PLXNB1: variants seen among roughly 807,000 people sequenced by gnomAD.
PLXNB1 encodes plexin-B1.
Under a neutral mutation model 209.4 loss-of-function variants are expected in PLXNB1, and 106 were observed. The observed-to-expected ratio is 0.51, with a 90% CI of 0.43 to 0.59. The LOEUF is 0.59. Ranked by LOEUF, PLXNB1 falls within the 20% of genes least tolerant of loss-of-function variation. The probability of loss-of-function intolerance (pLI) is 0.00; values close to 1 mark genes in which losing one functional copy is unlikely to be tolerated. For synonymous variants in PLXNB1, 1,167 were observed against 1,183.2 expected (o/e 0.99, Z 0.28); for missense variants, 2,357 against 2,853.2 (o/e 0.83, Z 3.96).
Position 48,423,828 on chromosome 3 carries a change from C to T in PLXNB1, c.784G>A (p.Val262Met), listed in dbSNP as rs1250892170. ...CCTTCGCAGGCCAGAGGCAACTCCACATAGGAGTAGTAGTGCTGGTCCCGG... is the reference window on the plus strand; with the variant it reads ...CCTTCGCAGGCCAGAGGCAACTCCATATAGGAGTAGTAGTGCTGGTCCCGG... ...CLRDQHYYSY[V>M]ELPLACEGGR... The change falls in exon 3 of 38, where the codon GTG becomes ATG. Residue 262 changes from valine (V) to methionine (M), a missense_variant. Transcript: ENST00000296440. 3.1e-6 allele frequency: 5 copies of T among 1,613,880 alleles called. No individual in the cohort carries two copies. The highest frequency in any genetic ancestry group is 1.7e-5 in the Admixed American group (1 of 60,004).
In PLXNB1 at chr3:48,418,023, C is replaced by G. The variant is rs1253370140; in HGVS notation, c.3262G>C (p.Val1088Leu). 15 of 1,613,406 alleles carry G rather than the reference C, an allele frequency of 9.3e-6. No homozygotes were observed. The highest frequency in any genetic ancestry group is 1.3e-5 in the Non-Finnish European group (15 of 1,180,012). ...LTGPVDGGTR[V>L]TIRGSNLGQH... is the part of the protein sequence containing the mutation. ...CCCAGGTTGGAGCCCCTGATGGTGA[C>G]ACGGGTGCCTCCGTCTACAGGCCCA... Residue 1088 changes from valine to leucine, a missense_variant, in exon 16 of 38, where the codon GTC becomes CTC. Coordinates refer to ENST00000296440, the MANE Select transcript of PLXNB1 (RefSeq NM_001130082.3). This position sits in a 1 kb window ranked among gnomAD's most constrained non-coding sequence, Gnocchi z 6.6.
chr3:48,411,958 C>T lies in PLXNB1; in HGVS notation c.5152G>A (p.Val1718Met). ...YMLFRGIKHQVDKGPVDSVTG... is the reference protein window; with the variant it reads ...YMLFRGIKHQMDKGPVDSVTG... The stretch of plus-strand genomic sequence containing the variant: ...ACACTGTCCACTGGCCCCTTATCCA[C>T]TTGGTGCTTAATCCCTCGAAAGAGC... Residue 1718 changes from valine (V) to methionine (M), a missense_variant, in exon 28 of 38, where the codon GTG (valine) becomes ATG (methionine). Transcript: ENST00000296440. The surrounding 1 kb of genome is among the most constrained non-coding windows in gnomAD (Gnocchi z 4.0). 1 of 1,614,172 alleles carries T rather than the reference C, an allele frequency of 6.2e-7. No individual in the cohort carries two copies. The highest frequency in any genetic ancestry group is 1.7e-5 in the Admixed American group (1 of 60,018).
In PLXNB1 at chr3:48,424,391, A is replaced by C; in HGVS notation, c.221T>G (p.Leu74Arg). Reference sequence around the variant, plus strand: ...AGGTGGCAGGCAGTCCCTGCTGTCTAGCACAGGGCCGGTGGACACTGTGGC... The same window carrying C: ...AGGTGGCAGGCAGTCCCTGCTGTCTCGCACAGGGCCGGTGGACACTGTGGC... Reference protein sequence around the residue: ...LEATVSTGPVLDSRDCLPPVM... With the variant: ...LEATVSTGPVRDSRDCLPPVM... Residue 74 changes from leucine (L) to arginine (R), a missense_variant, in exon 3 of 38, where the codon CTA becomes CGA. Physicochemically the swap from Leu to Arg is moderately radical, Grantham distance 102. Around this residue, in one of 7 missense-constraint regions of PLXNB1, gnomAD observed 107 missense variants for 167.2 expected, o/e 0.64. Transcript: ENST00000296440. 6.4e-7 allele frequency: 1 copy of C among 1,558,924 alleles called. No homozygotes were observed. The highest frequency in any genetic ancestry group is 8.7e-7 in the Non-Finnish European group (1 of 1,151,038).
rs755168281 is a variant in PLXNB1, at chr3:48,422,937, T to C, written c.1118A>G (p.Asp373Gly). ...GTGGTCTGAGCCACAGGGATAAGCA[T>C]CCAGGGTGTCCTATAGGCAGCAAGA... ...DCAQLPVDTL[D>G]AYPCGSDHTP... is the part of the protein sequence containing the mutation. The change falls in exon 4 of 38, where the codon GAT (aspartate) becomes GGT (glycine). Residue 373 changes from aspartate to glycine, a missense_variant. Physicochemically the swap from Asp to Gly is moderately conservative, Grantham distance 94. Around this residue, in one of 7 missense-constraint regions of PLXNB1, gnomAD observed 404 missense variants for 443.6 expected, o/e 0.91. Transcript: ENST00000296440. The C allele has an allele frequency of 3.1e-6, 5 of 1,613,416 alleles. No individual in the cohort carries two copies. Among genetic ancestry groups the C allele is most frequent in the Non-Finnish European group, 3.4e-6 (4 of 1,179,744 alleles).
In PLXNB1 at chr3:48,409,805, C is replaced by CG. The variant is rs2037546622; in HGVS notation, c.5779-75dup. 1 of 1,579,926 alleles carries CG rather than the reference C, an allele frequency of 6.3e-7. No homozygotes were observed. Among genetic ancestry groups the CG allele is most frequent in the South Asian group, 1.2e-5 (1 of 86,792 alleles). ...CAGCAGCCCAGCCTCAGACACCCCC[C>CG]GGCACTGTGCCTGCACGAGCCCCAC... is the stretch of plus-strand genomic sequence containing the variant. On this transcript the variant is annotated intron_variant, in intron 32 of 37. Coordinates refer to ENST00000296440, the MANE Select transcript of PLXNB1 (RefSeq NM_001130082.3). This position sits in a 1 kb window ranked among gnomAD's most constrained non-coding sequence, Gnocchi z 5.8.
Position 48,423,863 on chromosome 3 carries a change from C to T in PLXNB1, c.749G>A (p.Arg250Gln), listed in dbSNP as rs769867127. Residue 250 changes from arginine (R) to glutamine (Q), a missense_variant, in exon 3 of 38, where the codon CGA becomes CAA. This residue lies in a region of PLXNB1 where 404 missense variants were observed against 443.6 expected (regional missense o/e 0.91). Transcript: ENST00000296440. ...GTAGTGCTGGTCCCGGAGACACACT[C>T]GAGATACATAGGCACGAAAAGCTCT... ...QSRAFRAYVSRVCLRDQHYYS... is the reference protein window; with the variant it reads ...QSRAFRAYVSQVCLRDQHYYS... The T allele has an allele frequency of 5.0e-6, 8 of 1,614,038 alleles. No individual in the cohort carries two copies. Among genetic ancestry groups the T allele is most frequent in the Non-Finnish European group, 6.8e-6 (8 of 1,180,024 alleles).
At position 48,404,445 on chromosome 3, in the gene PLXNB1, A is replaced by G; in HGVS notation, c.*41T>C. ...CTCCTCCGAGCTTCCAGGGCTGCCCAGGCCAGGCTGAAGCAACAGCAGGCC... is the reference window on the plus strand; with the variant it reads ...CTCCTCCGAGCTTCCAGGGCTGCCCGGGCCAGGCTGAAGCAACAGCAGGCC... On this transcript the variant is annotated 3_prime_UTR_variant, in exon 38 of 38. Transcript: ENST00000296440. 3 of 1,401,460 alleles carry G rather than the reference A, an allele frequency of 2.1e-6. No homozygotes were observed. The highest frequency in any genetic ancestry group is 2.0e-6 in the Non-Finnish European group (2 of 994,116). 86.8% of individuals were successfully genotyped at this position (1,401,460 alleles called of 1,614,324 possible).
In PLXNB1 at chr3:48,405,857, G is replaced by A. The variant is rs2037289641; in HGVS notation, c.6229-59C>T. ...CGAGGGGTGCAGAGAGCCACAGGAG[G>A]CAGCCCAGGACCCCAGGGAAGGGCT... is the stretch of plus-strand genomic sequence containing the variant. On this transcript the variant is annotated intron_variant, in intron 36 of 37. Coordinates refer to ENST00000296440, the MANE Select transcript of PLXNB1 (RefSeq NM_001130082.3). This position sits in a 1 kb window ranked among gnomAD's most constrained non-coding sequence, Gnocchi z 5.0. 5 of 1,409,314 alleles carry A rather than the reference G, an allele frequency of 3.5e-6. No homozygotes were observed. The highest frequency in any genetic ancestry group is 1.7e-5 in the Admixed American group (1 of 58,586). 87.3% of individuals were successfully genotyped at this position (1,409,314 alleles called of 1,614,324 possible). A position where few individuals can be genotyped will look rare whatever the true frequency, so the allele number is the denominator to read the frequency against.
rs1377414344 is a variant in PLXNB1, at chr3:48,414,195, C to T, written c.4210-124G>A. 3.5e-6 allele frequency: 3 copies of T among 856,772 alleles called. No homozygotes were observed. The African/African-American group carries it at 5.0e-5, about 14-fold the overall frequency. 53.1% of individuals were successfully genotyped at this position (856,772 alleles called of 1,614,324 possible). A position where few individuals can be genotyped will look rare whatever the true frequency, so the allele number is the denominator to read the frequency against. ...AAGCTGACAGCCTCTCAGCACCCTT[C>T]CCGAGTGCAGGCCAGTCACACGGTG... On this transcript the variant is annotated intron_variant, in intron 21 of 37. Transcript: ENST00000296440.
chr3:48,418,645 G>T lies in PLXNB1; in HGVS notation c.2956-103C>A. 1 of 1,064,448 alleles carries T rather than the reference G, an allele frequency of 9.4e-7. No individual in the cohort carries two copies. Among genetic ancestry groups the T allele is most frequent in the Non-Finnish European group, 1.4e-6 (1 of 714,508 alleles). The allele number at this position is 1,064,448 out of a possible 1,614,324, so 65.9% of individuals were successfully genotyped here. A position where few individuals can be genotyped will look rare whatever the true frequency, so the allele number is the denominator to read the frequency against. On this transcript the variant is annotated intron_variant, in intron 13 of 37. Transcript: ENST00000296440. This position sits in a 1 kb window ranked among gnomAD's most constrained non-coding sequence, Gnocchi z 6.6. ...ACTAAAACGACCAGTTAGGAGCATA[G>T]GGTCAGAGGGACCCCATGGGGCCAC...
intron 1 of PLXNB1, among the ~76,000 whole-genome samples, chr3:48,427,143 A>G (rs1216642104): frequency 6.6e-6 from 1 of 152,166 alleles, no homozygotes; most frequent in African/African-American, 2.4e-5. Context: ...TCAAAACTGC[A>G]TTGATGCATG....
Position 48,404,646 on chromosome 3 carries a change from C to A in PLXNB1, c.6304-56G>T, listed in dbSNP as rs145812739. 8.6e-4 allele frequency: 994 copies of A among 1,159,934 alleles called. 10 individuals carry two copies. The African/African-American group carries it at 0.014, about 16-fold the overall frequency. The allele number at this position is 1,159,934 out of a possible 1,614,324, so 71.9% of individuals were successfully genotyped here. A position where few individuals can be genotyped will look rare whatever the true frequency, so the allele number is the denominator to read the frequency against. ...ACTTCTTTGGCCAACGTGTTTGCTG[C>A]AAAATTCAACAGCCCTCCTAAGACG... On this transcript the variant is annotated intron_variant, in intron 37 of 37. Coordinates refer to ENST00000296440, the MANE Select transcript of PLXNB1 (RefSeq NM_001130082.3).
chr3:48,423,103 C>T (rs1035006409), intron 3 of PLXNB1, among the ~76,000 whole-genome samples, 156 bp from the exon 4 acceptor site: 2 of 152,156 alleles, frequency 1.3e-5, no homozygotes, highest in South Asian at 2.1e-4. Context: ...ATCTCATCCC[C>T]GCCCCCAGTC....
In PLXNB1 at chr3:48,405,837, G is replaced by A; in HGVS notation, c.6229-39C>T. The A allele has an allele frequency of 6.4e-7, 1 of 1,560,710 alleles. No homozygotes were observed. On this transcript the variant is annotated intron_variant, in intron 36 of 37. Coordinates refer to ENST00000296440, the MANE Select transcript of PLXNB1 (RefSeq NM_001130082.3). The surrounding 1 kb of genome is among the most constrained non-coding windows in gnomAD (Gnocchi z 5.0). Reference sequence around the variant, plus strand: ...CAAATGAAAGGTGAGAGAGACGAGGGGTGCAGAGAGCCACAGGAGGCAGCC... The same window carrying A: ...CAAATGAAAGGTGAGAGAGACGAGGAGTGCAGAGAGCCACAGGAGGCAGCC...
Position 48,419,182 on chromosome 3 carries a change from T to C in PLXNB1, c.2832+62A>G. 1 of 1,548,472 alleles carries C rather than the reference T, an allele frequency of 6.5e-7. No individual in the cohort carries two copies. The highest frequency in any genetic ancestry group is 8.7e-7 in the Non-Finnish European group (1 of 1,142,860). ...TGCCCTCCTCCTGCTCCCCAGGGCT[T>C]GTGCAGAGTTTCTCAACAGCTAAGG... is the stretch of plus-strand genomic sequence containing the variant. On this transcript the variant is annotated intron_variant, in intron 12 of 37. Transcript: ENST00000296440. The surrounding 1 kb of genome is among the most constrained non-coding windows in gnomAD (Gnocchi z 5.7).
At position 48,412,591 on chromosome 3, in the gene PLXNB1, G is replaced by T. The variant is rs376523804; in HGVS notation, c.4884C>A (p.Thr1628=). The change falls in exon 26 of 38, where the codon ACC becomes ACA. Residue 1628 remains threonine, a synonymous_variant. Transcript: ENST00000296440. ...CGTAGGCACGGTCCCGAGCTGAAAA[G>T]GTGCGCTGGCTCTCCAGCGTGTGGA... ...KFIHTLESQR[T]FSARDRAYVA... is the part of the protein sequence containing the mutation. The T allele has an allele frequency of 1.2e-6, 2 of 1,613,494 alleles. No individual in the cohort carries two copies. The highest frequency in any genetic ancestry group is 1.7e-6 in the Non-Finnish European group (2 of 1,180,052).
At chr3:48,424,655 G>A (rs1469439207) in intron 2 of PLXNB1, 38 bp from the exon 3 acceptor site, 19 of 1,522,268 alleles carry the variant, frequency 1.2e-5, no homozygotes, top group Non-Finnish European at 1.5e-5. Context: ...GGGCTCACGT[G>A]GCCGCCAGAG....
Position 48,418,599 on chromosome 3 carries a change from G to C in PLXNB1, c.2956-57C>G, listed in dbSNP as rs2038264241. The C allele has an allele frequency of 9.0e-6, 13 of 1,442,702 alleles. No homozygotes were observed. In the South Asian group the frequency reaches 1.6e-4, roughly 17 times the overall value. The allele number at this position is 1,442,702 out of a possible 1,614,324, so 89.4% of individuals were successfully genotyped here. ...CACTGGGGGAAGTGTCAGGCCTGGG[G>C]AGGGGTTAGTCAGAGAAAGGACTAA... On this transcript the variant is annotated intron_variant, in intron 13 of 37. Transcript: ENST00000296440. This position sits in a 1 kb window ranked among gnomAD's most constrained non-coding sequence, Gnocchi z 6.6.
Position 48,413,797 on chromosome 3 carries a change from A to C in PLXNB1, c.4408T>G (p.Phe1470Val). Residue 1470 changes from phenylalanine (F) to valine (V), a missense_variant, in exon 23 of 38, where the codon TTC (phenylalanine) becomes GTC (valine). Phe to Val is a conservative substitution (Grantham distance 50, BLOSUM62 -1). Around this residue, in one of 7 missense-constraint regions of PLXNB1, gnomAD observed 743 missense variants for 896.2 expected, o/e 0.83. Transcript: ENST00000296440. This position sits in a 1 kb window ranked among gnomAD's most constrained non-coding sequence, Gnocchi z 5.4. Reference sequence around the variant, plus strand: ...TCATACTGCACGTGACCCAGGGAGAAGCGCAAGTTCCCCATCTGCACCTGT... The same window carrying C: ...TCATACTGCACGTGACCCAGGGAGACGCGCAAGTTCCCCATCTGCACCTGT... ...EFTVQMGNLR[F>V]SLGHVQYDGE... 1 of 1,613,674 alleles carries C rather than the reference A, an allele frequency of 6.2e-7. No individual in the cohort carries two copies. The highest frequency in any genetic ancestry group is 8.5e-7 in the Non-Finnish European group (1 of 1,179,862).
Sources: gnomAD v4.1 joint callset for allele counts (sites outside exome capture counted in the v4.1 genomes callset) on GRCh38, gnomAD v4.1.1 for gene constraint, gnomAD v4.1.1 regional missense constraint, Gnocchi (gnomAD v3.1) non-coding constraint, MANE v1.5 for transcripts, NCBI Gene and HGNC (gene_info 2026-07-23, HGNC 2026-07-21) for gene names.